The following EPYC variants were observed in gnomAD, a reference collection of about 807,000 sequenced individuals.
EPYC encodes the protein epiphycan, also known as dermatan sulfate proteoglycan 3.
A neutral mutation model predicts 30.1 loss-of-function variants in EPYC; 28 were observed. That is an observed-to-expected ratio of 0.93 (90% CI 0.69 to 1.28). The LOEUF (loss-of-function observed/expected upper bound fraction) is 1.28. Ranked by LOEUF, EPYC falls within the 50% of genes most tolerant of loss-of-function variation. The probability of loss-of-function intolerance (pLI) is 0.00; values close to 1 mark genes in which losing one functional copy is unlikely to be tolerated. For synonymous variants in EPYC, 144 were observed against 141.4 expected, an observed-to-expected ratio of 1.02 and a Z score of -0.13; for missense variants, 382 against 383.5, an observed-to-expected ratio of 1.00 and a Z score of 0.03.
intron 2 of EPYC, among the ~76,000 whole-genome samples, chr12:90,978,976 G>A (rs974247034): frequency 2.0e-5 from 3 of 152,082 alleles, no homozygotes; most frequent in African/African-American, 7.2e-5. Flanking sequence ...TTGACACTAG[G>A]AGGCAGTTAT....
At chr12:90,999,433 T>C (rs1877770781) in intron 2 of EPYC, among the ~76,000 whole-genome samples, 1 of 152,100 alleles carries the variant, frequency 6.6e-6, no homozygotes, top group Non-Finnish European at 1.5e-5. Flanking sequence ...AGGTTTTCTA[T>C]TCTACAGATG....
At chr12:90,999,271 T>C (rs545205576) in intron 2 of EPYC, among the ~76,000 whole-genome samples, 2 of 152,176 alleles carry the variant, frequency 1.3e-5, no homozygotes, top group East Asian at 3.9e-4. Flanking sequence ...GCCTGCAATA[T>C]ACATCAAAGG....
At chr12:90,977,684 C>T (rs2120823377) in intron 3 of EPYC, among the ~76,000 whole-genome samples, 1 of 152,104 alleles carries the variant, frequency 6.6e-6, no homozygotes, top group South Asian at 2.1e-4. Context: ...ATAGTATATG[C>T]TCAATTAGTG....
chr12:91,001,211 A>G (rs1396244269), intron 2 of EPYC, among the ~76,000 whole-genome samples: 1 of 152,070 alleles, frequency 6.6e-6, no homozygotes. Context: ...TGACTCTTGT[A>G]TTCATAAGGC....
intron 5 of EPYC, 58 bp from the exon 6 acceptor site, chr12:90,970,197 A>T: frequency 8.1e-7 from 1 of 1,236,642 alleles, no homozygotes; most frequent in Middle Eastern, 1.9e-4. Context: ...TCAATAAGAA[A>T]TAAAAAACAC....
At chr12:91,000,513 G>A (rs1877797823) in intron 2 of EPYC, among the ~76,000 whole-genome samples, 1 of 152,026 alleles carries the variant, frequency 6.6e-6, no homozygotes, top group African/African-American at 2.4e-5. Flanking sequence ...TGATGGTAAG[G>A]AATGGGTTAA....
At chr12:91,001,253 T>G (rs935163025) in intron 2 of EPYC, among the ~76,000 whole-genome samples, 13 of 152,116 alleles carry the variant, frequency 8.5e-5, no homozygotes, top group African/African-American at 2.9e-4. Flanking sequence ...TTTTAGTATC[T>G]TCTTAGTAAA....
chr12:90,985,470 C>A (rs1423570413), intron 2 of EPYC, among the ~76,000 whole-genome samples: 1 of 152,010 alleles, frequency 6.6e-6, no homozygotes, highest in African/African-American at 2.4e-5. Context: ...ACCTGGCAAC[C>A]TTGGTGTTCT....
intron 2 of EPYC, among the ~76,000 whole-genome samples, chr12:90,983,192 A>G (rs1489932969): frequency 6.6e-6 from 1 of 152,096 alleles, no homozygotes; most frequent in Non-Finnish European, 1.5e-5. Context: ...TGAGGTATGC[A>G]TTTGTCATCT....
chr12:90,993,642 T>C (rs939329894), intron 2 of EPYC, among the ~76,000 whole-genome samples: 1 of 151,948 alleles, frequency 6.6e-6, no homozygotes, highest in Admixed American at 6.6e-5. Context: ...TTATTTTTTC[T>C]TTGTCTCACT....
In EPYC at chr12:90,971,906, C is replaced by G; in HGVS notation, c.596G>C (p.Arg199Pro). 2.5e-6 allele frequency: 4 copies of G among 1,611,986 alleles called. No individual in the cohort carries two copies. Among genetic ancestry groups the G allele is most frequent in the Non-Finnish European group, 3.4e-6 (4 of 1,179,060 alleles). Residue 199 changes from arginine to proline, a missense_variant, in exon 5 of 7, where the codon CGT (arginine) becomes CCT (proline). Transcript: ENST00000261172. ...KLPQLRELVL[R>P]DNKIRQLPEL... ...TGGGAGCTGCCTTATTTTGTTGTCACGCAGGACAAGCTCTCGAAGTTGAGG... is the reference window on the plus strand; with the variant it reads ...TGGGAGCTGCCTTATTTTGTTGTCAGGCAGGACAAGCTCTCGAAGTTGAGG...
At chr12:90,997,354 AC>A (rs869239194) in intron 2 of EPYC, among the ~76,000 whole-genome samples, 14 of 63,606 alleles carry the variant, frequency 2.2e-4, no homozygotes, top group Non-Finnish European at 1.5e-4. Context: ...AGAAAATTTT[AC>A]TGGATGAGTG....
At chr12:90,998,214 A>G (rs544411317) in intron 2 of EPYC, among the ~76,000 whole-genome samples, 37 of 152,134 alleles carry the variant, frequency 2.4e-4, no homozygotes, top group Non-Finnish European at 4.6e-4. Context: ...GCTGTAGTTT[A>G]TCAGAAAGCA....
chr12:90,996,813 C>A (rs1189238555), intron 2 of EPYC, among the ~76,000 whole-genome samples: 1 of 151,994 alleles, frequency 6.6e-6, no homozygotes, highest in Non-Finnish European at 1.5e-5. Flanking sequence ...TTCCTTTATT[C>A]ATTGCTACAG....
At chr12:90,986,198 C>G (rs1877445199) in intron 2 of EPYC, among the ~76,000 whole-genome samples, 1 of 151,916 alleles carries the variant, frequency 6.6e-6, no homozygotes, top group Non-Finnish European at 1.5e-5. Context: ...ATTGGAAGGA[C>G]AATTCAGAGG....
At chr12:90,990,365 C>T (rs553305139) in intron 2 of EPYC, among the ~76,000 whole-genome samples, 2 of 151,998 alleles carry the variant, frequency 1.3e-5, no homozygotes, top group Non-Finnish European at 2.9e-5. Flanking sequence ...TAACTACACA[C>T]ATTTTGTATA....
rs759098678 is a variant in EPYC, at chr12:90,964,148, A to G, written c.*8T>C. 1 of 1,607,712 alleles carries G rather than the reference A, an allele frequency of 6.2e-7. No individual in the cohort carries two copies. Among genetic ancestry groups the G allele is most frequent in the Non-Finnish European group, 8.5e-7 (1 of 1,175,532 alleles). ...AGTAGCCATCGTAATGCTAACCATT[A>G]TCTGAAATTAGACAAGGCTCCCAAC... On this transcript the variant is annotated 3_prime_UTR_variant, in exon 7 of 7. Transcript: ENST00000261172.
chr12:90,964,318 G>A lies in EPYC; in HGVS notation c.807C>T (p.Asn269=). 6.2e-7 allele frequency: 1 copy of A among 1,602,258 alleles called. No homozygotes were observed. Among genetic ancestry groups the A allele is most frequent in the Non-Finnish European group, 8.5e-7 (1 of 1,170,756 alleles). Residue 269 remains asparagine (N), a synonymous_variant, in exon 7 of 7, where the codon AAC becomes AAT. Transcript: ENST00000261172. The part of the protein sequence containing the change: ...NLRALHLQNN[N]ILEMHEDTFC... ...ACGTATCTTCGTGCATTTCCAGAAT[G>A]TTGTTATTCTAAAAAAGATGAAAAT...
At chr12:90,999,683 T>C (rs576018391) in intron 2 of EPYC, among the ~76,000 whole-genome samples, 6 of 152,228 alleles carry the variant, frequency 3.9e-5, no homozygotes, top group African/African-American at 1.4e-4. Flanking sequence ...CACGAGTCAC[T>C]GAAATCTGGA....
Sources: allele counts gnomAD v4.1 joint callset (sites outside exome capture counted in the v4.1 genomes callset), GRCh38; gene constraint gnomAD v4.1.1; transcripts MANE v1.5; gene names NCBI Gene and HGNC (gene_info 2026-07-23, HGNC 2026-07-21).